SCAPER: variants seen among roughly 807,000 people sequenced by gnomAD.
SCAPER encodes S-phase cyclin A associated protein in the ER, also known as S phase cyclin A-associated protein in the endoplasmic reticulum.
A neutral mutation model predicts 182.2 loss-of-function variants in SCAPER; 98 were observed. The observed-to-expected ratio is 0.54, with a 90% confidence interval of 0.46 to 0.64. The LOEUF (loss-of-function observed/expected upper bound fraction) is 0.64. Ranked by LOEUF, SCAPER falls within the 30% of genes least tolerant of loss-of-function variation. The pLI is 0.00. For missense variants in SCAPER, 1,432 were observed against 1,690.0 expected (o/e 0.85, Z 2.68); for synonymous variants, 605 against 564.6 (o/e 1.07, Z -1.01).
intron 24 of SCAPER, among the ~76,000 whole-genome samples, chr15:76,485,730 G>A (rs1478973659): frequency 1.3e-5 from 2 of 152,056 alleles, no homozygotes; most frequent in Non-Finnish European, 2.9e-5. Flanking sequence ...AAATAAGACT[G>A]CATACCTACA....
At chr15:76,498,555 T>A (rs976353051) in intron 24 of SCAPER, 2 of 152,232 alleles carry the variant, frequency 1.3e-5, no homozygotes, top group African/African-American at 4.8e-5. Flanking sequence ...GGGGTTATCA[T>A]AGCTCTGTCA....
chr15:76,719,438 T>C (rs1018841921), intron 17 of SCAPER, among the ~76,000 whole-genome samples: 1 of 152,078 alleles, frequency 6.6e-6, no homozygotes, highest in Non-Finnish European at 1.5e-5. Flanking sequence ...GATACAAAAC[T>C]GCAGATATGT....
chr15:76,672,875 C>T (rs181090085), intron 20 of SCAPER, among the ~76,000 whole-genome samples: 76 of 152,136 alleles, frequency 5.0e-4, no homozygotes, highest in Admixed American at 1.8e-3. Flanking sequence ...GTACACAATA[C>T]ACTCGAAAAT....
chr15:76,618,801 A>T (rs1162210369), intron 22 of SCAPER, among the ~76,000 whole-genome samples: 1 of 152,214 alleles, frequency 6.6e-6, no homozygotes, highest in Non-Finnish European at 1.5e-5. Context: ...TGTTTACAAA[A>T]ATGAGAAAGA....
intron 14 of SCAPER, among the ~76,000 whole-genome samples, chr15:76,761,810 T>C (rs976001796): frequency 3.3e-5 from 5 of 152,186 alleles, no homozygotes; most frequent in Non-Finnish European, 5.9e-5. Context: ...ATTTAGCGTA[T>C]ACTGTTGTAA....
intron 17 of SCAPER, among the ~76,000 whole-genome samples, chr15:76,727,676 G>A (rs567323924): frequency 6.6e-6 from 1 of 151,994 alleles, no homozygotes; most frequent in South Asian, 2.1e-4. Flanking sequence ...TCATAAATAA[G>A]ACCAAAAGGC....
chr15:76,495,939 G>C (rs2040457975), intron 24 of SCAPER, among the ~76,000 whole-genome samples: 2 of 150,752 alleles, frequency 1.3e-5, no homozygotes, highest in South Asian at 2.1e-4. Flanking sequence ...GTTCTGAGCT[G>C]TATTATGCTA....
intron 22 of SCAPER, among the ~76,000 whole-genome samples, chr15:76,616,937 A>G (rs759413476): frequency 6.6e-6 from 1 of 152,180 alleles, no homozygotes; most frequent in African/African-American, 2.4e-5. Flanking sequence ...GTAGTTTGGA[A>G]TTTCAAAAGT....
chr15:76,407,361 C>T (rs766594896), intron 26 of SCAPER, among the ~76,000 whole-genome samples: 1 of 152,126 alleles, frequency 6.6e-6, no homozygotes, highest in African/African-American at 2.4e-5. Flanking sequence ...TCTTACAGGA[C>T]CGCCATTGTA....
At chr15:76,727,106 A>G (rs1261933046) in intron 17 of SCAPER, among the ~76,000 whole-genome samples, 1 of 152,134 alleles carries the variant, frequency 6.6e-6, no homozygotes, top group African/African-American at 2.4e-5. Flanking sequence ...AAGGATATAA[A>G]GATGTTCTGA....
chr15:76,607,915 C>T (rs11072606), intron 22 of SCAPER, among the ~76,000 whole-genome samples: 74 of 152,026 alleles, frequency 4.9e-4, no homozygotes, highest in Middle Eastern at 3.4e-3. Context: ...GTTATCCATT[C>T]GTCTAATTTT....
intron 5 of SCAPER, among the ~76,000 whole-genome samples, chr15:76,806,193 A>T (rs1050586348): frequency 9.2e-5 from 14 of 152,298 alleles, no homozygotes; most frequent in Admixed American, 1.3e-4. Context: ...TTAGGCTTTA[A>T]ACTGTATTCA....
chr15:76,528,668 T>G (rs1055869760), intron 23 of SCAPER, among the ~76,000 whole-genome samples: 2 of 152,212 alleles, frequency 1.3e-5, no homozygotes, highest in Non-Finnish European at 2.9e-5. Context: ...CCAAAATAGC[T>G]TAGAAGGTTT....
intron 4 of SCAPER, among the ~76,000 whole-genome samples, chr15:76,852,030 G>A (rs2070811519): frequency 6.6e-6 from 1 of 151,846 alleles, no homozygotes; most frequent in Non-Finnish European, 1.5e-5. Context: ...AAAAAGGAGT[G>A]GTTACAATCC....
intron 1 of SCAPER, among the ~76,000 whole-genome samples, chr15:76,891,071 C>A (rs2074136533): frequency 6.6e-6 from 1 of 152,172 alleles, no homozygotes; most frequent in South Asian, 2.1e-4. Flanking sequence ...ACAAAAACCA[C>A]ATGATTATCT....
chr15:76,395,319 A>G (rs550475418), intron 27 of SCAPER, among the ~76,000 whole-genome samples: 25 of 152,164 alleles, frequency 1.6e-4, no homozygotes, highest in African/African-American at 6.0e-4. Context: ...GGGAGTGTGG[A>G]TATCTCTTTG....
intron 17 of SCAPER, among the ~76,000 whole-genome samples, chr15:76,712,303 G>A (rs2059630426): frequency 6.6e-6 from 1 of 152,168 alleles, no homozygotes. Context: ...CTATATCTCT[G>A]TTGTGGTACC....
Position 76,599,983 on chromosome 15 carries a change from G to A in SCAPER, c.2711+21781C>T, listed in dbSNP as rs73457040. On this transcript the variant is annotated intron_variant, in intron 22 of 31. Coordinates refer to ENST00000563290, the MANE Select transcript of SCAPER (RefSeq NM_020843.4). ...TTAATAACATGCATGTTGAAATACT[G>A]GAGGAGGAATATACTGATGTATGCA... is the stretch of plus-strand genomic sequence containing the variant. 5.8e-3 allele frequency among the ~76,000 whole-genome samples: 708 copies of A among 121,486 alleles called. 78 individuals are homozygous for A. Among genetic ancestry groups the A allele is most frequent in the African/African-American group, 0.017 (671 of 39,866 alleles). 79.7% of individuals were successfully genotyped at this position (121,486 alleles called of 152,430 possible). A position where few individuals can be genotyped will look rare whatever the true frequency, so the allele number is the denominator to read the frequency against.
intron 4 of SCAPER, among the ~76,000 whole-genome samples, chr15:76,842,550 T>A (rs2011635): frequency 0.13 from 20,352 of 152,170 alleles, 1,400 homozygotes; most frequent in African/African-American, 0.17. Flanking sequence ...CATGCTGAAC[T>A]GTGAGTCAAT....
Sources: gnomAD v4.1 joint callset for allele counts (sites outside exome capture counted in the v4.1 genomes callset) on GRCh38, gnomAD v4.1.1 for gene constraint, MANE v1.5 for transcripts, NCBI Gene and HGNC (gene_info 2026-07-23, HGNC 2026-07-21) for gene names.